The following LRMDA variants were observed in gnomAD, a reference collection of about 807,000 sequenced individuals.
LRMDA encodes the protein leucine-rich melanocyte differentiation-associated protein.
A neutral mutation model predicts 29.8 loss-of-function variants in LRMDA; 18 were observed. The ratio of observed to expected loss-of-function variants is 0.60; its 90% CI spans 0.42 to 0.90. LRMDA has a LOEUF of 0.90. LRMDA is among the 40% of genes least tolerant of loss of function. The pLI is 0.00. For missense variants in LRMDA, 273 were observed against 273.9 expected (o/e 1.00, Z 0.02); for synonymous variants, 125 against 109.4 (o/e 1.14, Z -0.89).
intron 2 of LRMDA, among the ~76,000 whole-genome samples, chr10:75,713,215 C>T (rs946928684): frequency 1.3e-4 from 19 of 151,914 alleles, no homozygotes; most frequent in Non-Finnish European, 8.8e-5. Flanking sequence ...TTACATTAGG[C>T]AAAGAAAGAA....
rs964037646 is a variant in LRMDA, at chr10:76,135,523, A to C, written c.516+76740A>C. Among the ~76,000 whole-genome samples the C allele has an allele frequency of 2.0e-5, 3 of 152,220 alleles. No individual in the cohort carries two copies. The East Asian group carries it at 5.8e-4, about 29-fold the overall frequency. Reference sequence around the variant, plus strand: ...TATTTTCCTAAAACTGCTGTAACAAAGCACAACCAACTAGGTGGTTTAAAC... The same window carrying C: ...TATTTTCCTAAAACTGCTGTAACAACGCACAACCAACTAGGTGGTTTAAAC... On this transcript the variant is annotated intron_variant, in intron 5 of 6. Transcript: ENST00000611255.
intron 2 of LRMDA, among the ~76,000 whole-genome samples, chr10:75,989,416 A>C (rs1356137086): frequency 6.6e-6 from 1 of 152,180 alleles, no homozygotes; most frequent in Admixed American, 6.5e-5. Context: ...GGGAGGTGCC[A>C]CACATGTTTA....
rs1848236924 is a variant in LRMDA, at chr10:76,036,032, C to T, written c.156C>T (p.Phe52=). ...GGTCACTGGAAGGACTGAGCGCATT[C>T]AGGAGCCTGGAGGAACTCATCTTGG... ...LLRSLEGLSA[F]RSLEELILDN... The change falls in exon 3 of 7, where the codon TTC becomes TTT. Residue 52 remains phenylalanine (F), a synonymous_variant. Coordinates refer to ENST00000611255, the MANE Select transcript of LRMDA (RefSeq NM_001305581.2). 6.2e-7 allele frequency: 1 copy of T among 1,614,082 alleles called. No individual in the cohort carries two copies. The highest frequency in any genetic ancestry group is 8.5e-7 in the Non-Finnish European group (1 of 1,180,012).
chr10:75,747,801 G>A (rs981383381), intron 2 of LRMDA, among the ~76,000 whole-genome samples: 1 of 152,024 alleles, frequency 6.6e-6, no homozygotes, highest in Non-Finnish European at 1.5e-5. Context: ...GTAGATGGTA[G>A]GTTTTCAGAG....
At chr10:75,901,208 C>CT (rs1207861471) in intron 2 of LRMDA, among the ~76,000 whole-genome samples, 3 of 152,130 alleles carry the variant, frequency 2.0e-5, no homozygotes, top group Non-Finnish European at 4.4e-5. Context: ...TGCTCTAGCA[C>CT]TTACCATCAA....
intron 2 of LRMDA, among the ~76,000 whole-genome samples, chr10:75,600,260 C>T (rs1333000139): frequency 2.6e-5 from 4 of 152,292 alleles, no homozygotes; most frequent in Admixed American, 2.6e-4. Flanking sequence ...ACATCCAACA[C>T]CTTGCGTGTG....
intron 6 of LRMDA, among the ~76,000 whole-genome samples, chr10:76,391,033 C>T (rs138669504): frequency 2.0e-3 from 312 of 152,260 alleles, no homozygotes; most frequent in African/African-American, 7.1e-3. Context: ...AATATTTTCC[C>T]TCTGCAGTGA....
intron 6 of LRMDA, among the ~76,000 whole-genome samples, chr10:76,545,743 C>T (rs2132389786): frequency 6.6e-6 from 1 of 151,680 alleles, no homozygotes; most frequent in Admixed American, 6.6e-5. Context: ...TTTACCAAAA[C>T]TCAAGACACT....
chr10:76,393,755 T>C (rs1841750809), intron 6 of LRMDA, among the ~76,000 whole-genome samples: 1 of 152,172 alleles, frequency 6.6e-6, no homozygotes, highest in Non-Finnish European at 1.5e-5. Flanking sequence ...GACATGGAGT[T>C]TTCCCCTATG....
At chr10:75,530,178 C>T (rs1041647304) in intron 2 of LRMDA, among the ~76,000 whole-genome samples, 4 of 150,872 alleles carry the variant, frequency 2.7e-5, no homozygotes, top group African/African-American at 9.7e-5. Flanking sequence ...GATTAAAAAC[C>T]TTGAGAGAAA....
chr10:76,113,602 C>G (rs11819715), intron 5 of LRMDA, among the ~76,000 whole-genome samples: 4,143 of 151,932 alleles, frequency 0.027, 197 homozygotes, highest in African/African-American at 0.094. Flanking sequence ...TTCAGATTTC[C>G]CCCCATTTCT....
intron 5 of LRMDA, among the ~76,000 whole-genome samples, chr10:76,143,566 G>C (rs1253871357): frequency 6.6e-6 from 1 of 151,702 alleles, no homozygotes; most frequent in Non-Finnish European, 1.5e-5. Flanking sequence ...AAATTTGTTT[G>C]AGTTCATTGT....
At chr10:75,612,163 A>G (rs1841040447) in intron 2 of LRMDA, among the ~76,000 whole-genome samples, 1 of 152,214 alleles carries the variant, frequency 6.6e-6, no homozygotes, top group African/African-American at 2.4e-5. Context: ...GTTAAAAATT[A>G]AGAGGAGAAG....
At chr10:76,106,728 T>C (rs1316372612) in intron 5 of LRMDA, among the ~76,000 whole-genome samples, 3 of 152,324 alleles carry the variant, frequency 2.0e-5, no homozygotes, top group Non-Finnish European at 4.4e-5. Flanking sequence ...TCCTGTGTAG[T>C]GCGTCTTCCA....
chr10:76,232,205 C>T (rs1276209428), intron 5 of LRMDA, among the ~76,000 whole-genome samples: 1 of 152,148 alleles, frequency 6.6e-6, no homozygotes, highest in Non-Finnish European at 1.5e-5. Flanking sequence ...CAAGATATTA[C>T]AAACATAACA....
intron 2 of LRMDA, among the ~76,000 whole-genome samples, chr10:75,878,040 T>C (rs1445569365): frequency 6.6e-6 from 1 of 152,166 alleles, no homozygotes; most frequent in Non-Finnish European, 1.5e-5. Context: ...AGAGTGTTTT[T>C]GGACTCCGAC....
chr10:75,674,970 G>A (rs1841942662), intron 2 of LRMDA, among the ~76,000 whole-genome samples: 1 of 152,198 alleles, frequency 6.6e-6, no homozygotes, highest in South Asian at 2.1e-4. Context: ...TAAGGGAAAG[G>A]ACAGCCTTTT....
At chr10:76,002,647 C>CAGCTGTA (rs1366043410) in intron 2 of LRMDA, among the ~76,000 whole-genome samples, 16 of 152,180 alleles carry the variant, frequency 1.1e-4, no homozygotes, top group Admixed American at 6.5e-5. Flanking sequence ...AATGAAACAG[C>CAGCTGTA]AGCTGTTATG....
At chr10:75,669,984 A>C (rs1185985641) in intron 2 of LRMDA, among the ~76,000 whole-genome samples, 1 of 152,204 alleles carries the variant, frequency 6.6e-6, no homozygotes, top group East Asian at 1.9e-4. Flanking sequence ...TAGAGCCAAA[A>C]TTACATTCAT....
Sources: allele counts gnomAD v4.1 joint callset (sites outside exome capture counted in the v4.1 genomes callset), GRCh38; gene constraint gnomAD v4.1.1; transcripts MANE v1.5; gene names NCBI Gene and HGNC (gene_info 2026-07-23, HGNC 2026-07-21).